The following OPCML variants were observed in gnomAD, a reference collection of about 807,000 sequenced individuals.
OPCML encodes the protein opioid binding protein/cell adhesion molecule like.
A neutral mutation model predicts 37.8 loss-of-function variants in OPCML; 13 were observed. That is an observed-to-expected ratio of 0.34 (90% confidence interval 0.22 to 0.55). The LOEUF (loss-of-function observed/expected upper bound fraction) is 0.55, where lower values mean the gene tolerates loss of function less well. Among genes scored for constraint, OPCML ranks in the 20% least tolerant of loss-of-function variants. The probability of loss-of-function intolerance (pLI) is 0.91; values close to 1 mark genes in which losing one functional copy is unlikely to be tolerated. For synonymous variants in OPCML, 176 were observed against 168.8 expected, an observed-to-expected ratio of 1.04 and a Z score of -0.33; for missense variants, 341 against 435.6, an observed-to-expected ratio of 0.78 and a Z score of 1.93.
chr11:132,760,250 G>T (rs1486989341), intron 2 of OPCML, among the ~76,000 whole-genome samples: 1 of 152,170 alleles, frequency 6.6e-6, no homozygotes, highest in Non-Finnish European at 1.5e-5. Flanking sequence ...AGTGCTATGT[G>T]GTGCTGAGAA....
chr11:133,306,048 A>G (rs1565561553), intron 1 of OPCML, among the ~76,000 whole-genome samples: 1 of 152,180 alleles, frequency 6.6e-6, no homozygotes, highest in East Asian at 1.9e-4. Flanking sequence ...GTATATTACC[A>G]TTAGAAGTAC....
chr11:132,480,761 GC>G (rs1271081988), intron 4 of OPCML, among the ~76,000 whole-genome samples: 5 of 151,964 alleles, frequency 3.3e-5, no homozygotes, highest in African/African-American at 1.2e-4. Context: ...TTCATATCCA[GC>G]CAAACTAAGC....
chr11:132,764,239 G>A (rs943477417), intron 2 of OPCML, among the ~76,000 whole-genome samples: 11 of 152,220 alleles, frequency 7.2e-5, no homozygotes, highest in Non-Finnish European at 1.5e-4. Context: ...CTCAGGGCTG[G>A]CCAGAAAGTG....
At chr11:133,101,115 G>A (rs1592001739) in intron 1 of OPCML, among the ~76,000 whole-genome samples, 5 of 152,098 alleles carry the variant, frequency 3.3e-5, no homozygotes, top group Admixed American at 3.3e-4. Context: ...AGTAGAGACG[G>A]GGTTTCACCA....
rs79309100 is a variant in OPCML at position 133,389,849 on chromosome 11, T to C, written c.61+142415A>G. On this transcript the variant is annotated intron_variant, in intron 1 of 7. Transcript: ENST00000524381. ...ACATGGGTAAATATACAATAATAAC[T>C]ACTACTAATTGACAATGAAGAAGGA... 6.0e-3 allele frequency among the ~76,000 whole-genome samples: 920 copies of C among 152,312 alleles called. 11 individuals are homozygous for C. The highest frequency in any genetic ancestry group is 0.021 in the African/African-American group (878 of 41,566).
chr11:133,244,712 C>CTCTT (rs55680627), intron 1 of OPCML, among the ~76,000 whole-genome samples: 9 of 151,572 alleles, frequency 5.9e-5, no homozygotes, highest in African/African-American at 2.2e-4. Context: ...CTCTCTCTCT[C>CTCTT]CTGCTCTCGC....
intron 1 of OPCML, among the ~76,000 whole-genome samples, chr11:133,135,879 C>T (rs552862262): frequency 6.6e-6 from 1 of 152,146 alleles, no homozygotes; most frequent in African/African-American, 2.4e-5. Context: ...CTTGGAACCA[C>T]AAGAGAAACA....
chr11:133,011,274 G>C (rs1002436447), intron 1 of OPCML, among the ~76,000 whole-genome samples: 1 of 152,276 alleles, frequency 6.6e-6, no homozygotes, highest in South Asian at 2.1e-4. Context: ...CAGAGGACCT[G>C]ATTTCAACTT....
intron 1 of OPCML, among the ~76,000 whole-genome samples, chr11:133,340,604 C>CTGTG (rs1198927456): frequency 8.9e-4 from 94 of 106,082 alleles, no homozygotes; most frequent in Admixed American, 6.3e-3. Flanking sequence ...AATTAAGACT[C>CTGTG]TCTCTGTGTG....
intron 1 of OPCML, among the ~76,000 whole-genome samples, chr11:133,517,473 G>A (rs1031127526): frequency 2.0e-5 from 3 of 152,198 alleles, no homozygotes; most frequent in East Asian, 1.9e-4. Flanking sequence ...TAATAAAAGC[G>A]GAATTCCTCT....
At chr11:132,665,097 A>C (rs978841829) in intron 2 of OPCML, among the ~76,000 whole-genome samples, 6 of 152,156 alleles carry the variant, frequency 3.9e-5, no homozygotes, top group African/African-American at 1.4e-4. Context: ...GTGTGTGTGC[A>C]TGTGTATGTG....
intron 1 of OPCML, among the ~76,000 whole-genome samples, chr11:133,261,655 G>T (rs1030988549): frequency 3.3e-5 from 5 of 152,196 alleles, no homozygotes; most frequent in Non-Finnish European, 7.3e-5. Flanking sequence ...TCATATCCTC[G>T]GTGTATAAAG....
chr11:133,108,771 T>C (rs1949202552), intron 1 of OPCML, among the ~76,000 whole-genome samples: 1 of 151,514 alleles, frequency 6.6e-6, no homozygotes, highest in African/African-American at 2.4e-5. Context: ...TGTCTCCCAT[T>C]GTTACCAAAG....
intron 1 of OPCML, among the ~76,000 whole-genome samples, chr11:133,491,224 C>T (rs1947648343): frequency 6.6e-6 from 1 of 152,116 alleles, no homozygotes; most frequent in African/African-American, 2.4e-5. Context: ...AGAAGTCAGC[C>T]CAGACACTCC....
At chr11:132,558,654 C>A (rs2096403679) in intron 3 of OPCML, among the ~76,000 whole-genome samples, 1 of 150,982 alleles carries the variant, frequency 6.6e-6, no homozygotes, top group Non-Finnish European at 1.5e-5. Flanking sequence ...TCTCATAATA[C>A]CTCTTTTATG....
chr11:133,226,365 C>G (rs983842724), intron 1 of OPCML, among the ~76,000 whole-genome samples: 1 of 152,162 alleles, frequency 6.6e-6, no homozygotes, highest in Non-Finnish European at 1.5e-5. Flanking sequence ...TAGGGGTGTT[C>G]CACTCCAGCC....
intron 1 of OPCML, among the ~76,000 whole-genome samples, chr11:133,117,104 T>C (rs1949348739): frequency 6.6e-6 from 1 of 152,182 alleles, no homozygotes; most frequent in Non-Finnish European, 1.5e-5. Context: ...TTAAAAACCA[T>C]TTAAAAAAAT....
intron 4 of OPCML, among the ~76,000 whole-genome samples, chr11:132,478,819 AG>A (rs1394063496): frequency 6.6e-6 from 1 of 152,210 alleles, no homozygotes; most frequent in Non-Finnish European, 1.5e-5. Context: ...GGCTGAAGAA[AG>A]GCTGCATCCA....
At chr11:133,332,753 A>G (rs1036882943) in intron 1 of OPCML, among the ~76,000 whole-genome samples, 1 of 152,204 alleles carries the variant, frequency 6.6e-6, no homozygotes, top group Admixed American at 6.5e-5. Flanking sequence ...CTGATGAATC[A>G]CATTGATTAG....
Sources: allele counts gnomAD v4.1 joint callset (sites outside exome capture counted in the v4.1 genomes callset), GRCh38; gene constraint gnomAD v4.1.1; transcripts MANE v1.5; gene names NCBI Gene and HGNC (gene_info 2026-07-23, HGNC 2026-07-21).